SSBP2: variants seen among roughly 807,000 people sequenced by gnomAD.
SSBP2 encodes single stranded DNA binding protein 2.
SSBP2 carries 17 observed loss-of-function variants against 61.8 expected under a neutral mutation model. That is an observed-to-expected ratio of 0.28 (90% CI 0.19 to 0.41). The LOEUF (loss-of-function observed/expected upper bound fraction) is 0.41. SSBP2 is among the 10% of genes least tolerant of loss of function. The pLI is 1.00. For missense variants in SSBP2, 310 were observed against 458.7 expected (o/e 0.68, Z 2.96); for synonymous variants, 139 against 141.3 (o/e 0.98, Z 0.12).
intron 6 of SSBP2, among the ~76,000 whole-genome samples, chr5:81,486,949 G>C (rs1340658129): frequency 6.6e-6 from 1 of 152,202 alleles, no homozygotes; most frequent in Admixed American, 6.6e-5. Flanking sequence ...TAGAAGCAGA[G>C]AGCACCAGCA....
At chr5:81,663,407 A>C (rs75387883) in intron 1 of SSBP2, among the ~76,000 whole-genome samples, 12,017 of 152,258 alleles carry the variant, frequency 0.079, 530 homozygotes, top group Middle Eastern at 0.11. Context: ...ATTAAAGTAG[A>C]TATGACTTTG....
chr5:81,701,033 G>A (rs1753946583), intron 1 of SSBP2, among the ~76,000 whole-genome samples: 1 of 151,436 alleles, frequency 6.6e-6, no homozygotes, highest in South Asian at 2.1e-4. Context: ...TTGGCTGTTT[G>A]GCACAAGGGG....
At chr5:81,711,761 AAT>A (rs1230836113) in intron 1 of SSBP2, among the ~76,000 whole-genome samples, 1 of 152,046 alleles carries the variant, frequency 6.6e-6, no homozygotes, top group East Asian at 1.9e-4. Context: ...AGATTAGCAT[AAT>A]GGTTAACAGT....
intron 1 of SSBP2, among the ~76,000 whole-genome samples, chr5:81,697,513 T>C (rs1392807362): frequency 6.6e-6 from 1 of 152,242 alleles, no homozygotes; most frequent in Non-Finnish European, 1.5e-5. Context: ...CCTTACCCAA[T>C]GTTCTATTTT....
intron 1 of SSBP2, among the ~76,000 whole-genome samples, chr5:81,749,676 A>AGGG (rs146457727): frequency 7.3e-6 from 1 of 136,878 alleles, no homozygotes; most frequent in East Asian, 2.0e-4. Flanking sequence ...TAAAAAAAAA[A>AGGG]GGGGGGGGTT....
At chr5:81,732,834 C>G (rs1258796162) in intron 1 of SSBP2, among the ~76,000 whole-genome samples, 1 of 152,146 alleles carries the variant, frequency 6.6e-6, no homozygotes, top group African/African-American at 2.4e-5. Context: ...ACCACCACCA[C>G]CCCCCGCCTT....
intron 1 of SSBP2, among the ~76,000 whole-genome samples, chr5:81,675,180 T>G (rs1192549541): frequency 3.9e-5 from 6 of 152,122 alleles, no homozygotes; most frequent in Non-Finnish European, 8.8e-5. Flanking sequence ...TTTAATCCCT[T>G]CTATTGCAGA....
chr5:81,673,551 C>T (rs1751744153), intron 1 of SSBP2, among the ~76,000 whole-genome samples: 1 of 152,018 alleles, frequency 6.6e-6, no homozygotes, highest in South Asian at 2.1e-4. Flanking sequence ...TGTATTTGCC[C>T]TGCCAAAAGA....
At chr5:81,540,103 TG>T (rs1414021107) in intron 4 of SSBP2, among the ~76,000 whole-genome samples, 1 of 152,204 alleles carries the variant, frequency 6.6e-6, no homozygotes, top group African/African-American at 2.4e-5. Flanking sequence ...TAGTATTCCA[TG>T]GTGTATATGT....
intron 10 of SSBP2, among the ~76,000 whole-genome samples, chr5:81,451,744 A>T (rs1256136749): frequency 6.6e-6 from 1 of 152,148 alleles, no homozygotes; most frequent in East Asian, 1.9e-4. Flanking sequence ...TATACTTTTA[A>T]TTTCTCCTTC....
At chr5:81,578,444 C>T (rs1455764514) in intron 4 of SSBP2, among the ~76,000 whole-genome samples, 1 of 151,820 alleles carries the variant, frequency 6.6e-6, no homozygotes, top group Non-Finnish European at 1.5e-5. Context: ...TATAAAAAGT[C>T]ATCATATAAT....
chr5:81,703,100 A>C (rs1320224282), intron 1 of SSBP2, among the ~76,000 whole-genome samples: 1 of 152,176 alleles, frequency 6.6e-6, no homozygotes, highest in Admixed American at 6.5e-5. Context: ...ACTTTGCTAA[A>C]GTGGTTCAAT....
chr5:81,499,767 T>C (rs1365594316), intron 5 of SSBP2, among the ~76,000 whole-genome samples: 1 of 152,212 alleles, frequency 6.6e-6, no homozygotes, highest in Non-Finnish European at 1.5e-5. Context: ...TTTTTAAAAA[T>C]CACCTGAACT....
intron 4 of SSBP2, among the ~76,000 whole-genome samples, chr5:81,532,938 T>A (rs1480400332): frequency 6.6e-6 from 1 of 151,970 alleles, no homozygotes; most frequent in Admixed American, 6.6e-5. Flanking sequence ...TTTGCAATTA[T>A]AGGTAGAGAT....
At chr5:81,559,374 G>A (rs899292616) in intron 4 of SSBP2, among the ~76,000 whole-genome samples, 4 of 137,522 alleles carry the variant, frequency 2.9e-5, no homozygotes, top group Non-Finnish European at 4.6e-5. Flanking sequence ...TTGACAGAGC[G>A]AGATTTCATC....
chr5:81,478,947 T>G (rs1249669622), intron 6 of SSBP2, among the ~76,000 whole-genome samples: 1 of 152,250 alleles, frequency 6.6e-6, no homozygotes, highest in Non-Finnish European at 1.5e-5. Context: ...AAGCCTTTCT[T>G]GTTTCTGTTC....
At chr5:81,592,925 T>G (rs947046834) in intron 4 of SSBP2, among the ~76,000 whole-genome samples, 2 of 151,998 alleles carry the variant, frequency 1.3e-5, no homozygotes, top group African/African-American at 4.8e-5. Flanking sequence ...ACTCTAAAAA[T>G]CAGAGCGCCT....
chr5:81,618,242 A>G (rs1746249005), intron 3 of SSBP2, among the ~76,000 whole-genome samples: 1 of 91,352 alleles, frequency 1.1e-5, no homozygotes, highest in South Asian at 4.1e-4. Context: ...GGCTCAAAAT[A>G]AAAGGATGGA....
chr5:81,527,216 T>A (rs1371860146), intron 4 of SSBP2, among the ~76,000 whole-genome samples: 1 of 152,016 alleles, frequency 6.6e-6, no homozygotes, highest in Non-Finnish European at 1.5e-5. Context: ...TGTAATATTT[T>A]TAAATAGATA....
Sources: gnomAD v4.1 joint callset for allele counts (sites outside exome capture counted in the v4.1 genomes callset) on GRCh38, gnomAD v4.1.1 for gene constraint, MANE v1.5 for transcripts, NCBI Gene and HGNC (gene_info 2026-07-23, HGNC 2026-07-21) for gene names.